Variants in KAZN observed in about 807,000 individuals in gnomAD.
KAZN encodes kazrin, periplakin interacting protein, also known as kazrin.
In KAZN, 40 loss-of-function variants were observed where a neutral mutation model predicts 87.4. That is an observed-to-expected ratio of 0.46 (90% CI 0.36 to 0.60). The LOEUF (loss-of-function observed/expected upper bound fraction) is 0.60. KAZN is among the 20% of genes least tolerant of loss of function. KAZN has a pLI of 0.00. For synonymous variants in KAZN, 466 were observed against 458.3 expected (o/e 1.02, Z -0.22); for missense variants, 898 against 1,073.9 (o/e 0.84, Z 2.29).
At chr1:14,588,894 A>G (rs577190095) in intron 2 of KAZN, among the ~76,000 whole-genome samples, 2 of 152,306 alleles carry the variant, frequency 1.3e-5, no homozygotes, top group African/African-American at 4.8e-5. Context: ...ATTGTTTCAG[A>G]GCCTGGACAG....
chr1:14,381,179 C>A (rs1041039633), intron 2 of KAZN, among the ~76,000 whole-genome samples: 2 of 152,034 alleles, frequency 1.3e-5, no homozygotes, highest in Non-Finnish European at 2.9e-5. Flanking sequence ...TATATAATGA[C>A]AAAGGGATTG....
At chr1:14,081,265 T>C (rs1643663680) in intron 1 of KAZN, among the ~76,000 whole-genome samples, 1 of 152,158 alleles carries the variant, frequency 6.6e-6, no homozygotes, top group Non-Finnish European at 1.5e-5. Flanking sequence ...GAGATTAATC[T>C]TCCACTTGGG....
intron 2 of KAZN, among the ~76,000 whole-genome samples, chr1:14,547,405 TA>T (rs1418046076): frequency 1.3e-5 from 2 of 152,222 alleles, no homozygotes; most frequent in Admixed American, 6.5e-5. Context: ...TATGTGTTCA[TA>T]AAAAACTGAA....
At chr1:14,519,614 C>A (rs191558649) in intron 2 of KAZN, among the ~76,000 whole-genome samples, 2 of 152,024 alleles carry the variant, frequency 1.3e-5, no homozygotes, top group Admixed American at 6.6e-5. Flanking sequence ...GGCCAGGGCA[C>A]GAGAGAGATA....
intron 1 of KAZN, among the ~76,000 whole-genome samples, chr1:14,616,920 G>C (rs956521175): frequency 6.6e-6 from 1 of 152,176 alleles, no homozygotes; most frequent in Non-Finnish European, 1.5e-5. Context: ...AGCTCCTAAG[G>C]GGCTGTCTAT....
chr1:14,646,539 G>T (rs1316533859), intron 1 of KAZN, among the ~76,000 whole-genome samples: 1 of 152,108 alleles, frequency 6.6e-6, no homozygotes, highest in South Asian at 2.1e-4. Flanking sequence ...TTGGGCTATG[G>T]CAGGGTTTCT....
At chr1:14,988,927 G>T (rs1667092535) in intron 2 of KAZN, among the ~76,000 whole-genome samples, 2 of 152,224 alleles carry the variant, frequency 1.3e-5, no homozygotes, top group Admixed American at 1.3e-4. Flanking sequence ...TGGATTCCTG[G>T]GGGAGGTCCT....
rs368031208 is a variant in KAZN, at chr1:14,558,903, G to A, written c.250-40080G>A. ...GGCATCCGCAGTCTCATGGGGCATG[G>A]AGAACCAGGAGTCTCTCTCTTCTTT... On this transcript the variant is annotated intron_variant, in intron 2 of 16. Transcript: ENST00000636203. Among the ~76,000 whole-genome samples the A allele has an allele frequency of 4.7e-4, 71 of 152,286 alleles. 1 individual carries two copies. Among genetic ancestry groups the A allele is most frequent in the African/African-American group, 1.6e-3 (67 of 41,560 alleles).
At position 13,969,901 on chromosome 1, in the gene KAZN, T is replaced by A. The variant is rs552916304; in HGVS notation, c.91+76145T>A. On this transcript the variant is annotated intron_variant, in intron 1 of 16. Coordinates refer to the KAZN transcript ENST00000636203. Reference sequence around the variant, plus strand: ...ATAACAGCTAAACATTATTGATTCTTAAACTGATTCTGTGAGGTAGGCACC... The same window carrying A: ...ATAACAGCTAAACATTATTGATTCTAAAACTGATTCTGTGAGGTAGGCACC... Among the ~76,000 whole-genome samples, 10 of 152,346 alleles carry A rather than the reference T, an allele frequency of 6.6e-5. No homozygotes were observed. The South Asian group carries it at 2.1e-3, about 32-fold the overall frequency.
chr1:14,219,155 T>C (rs191561697), intron 2 of KAZN, among the ~76,000 whole-genome samples: 4 of 152,020 alleles, frequency 2.6e-5, no homozygotes, highest in African/African-American at 9.7e-5. Context: ...TGTAGACTAA[T>C]AGAGACATAA....
intron 2 of KAZN, among the ~76,000 whole-genome samples, chr1:14,294,550 C>T (rs968441258): frequency 2.6e-5 from 4 of 151,610 alleles, no homozygotes; most frequent in Admixed American, 2.0e-4. Context: ...CAACATCAGA[C>T]AGCTAGTAAG....
chr1:14,329,788 C>T lies in KAZN; in HGVS notation c.249+149196C>T. 1.3e-5 allele frequency among the ~76,000 whole-genome samples: 2 copies of T among 152,146 alleles called. 1 individual carries two copies. The highest frequency in any genetic ancestry group is 3.9e-4 in the East Asian group (2 of 5,188). On this transcript the variant is annotated intron_variant, in intron 2 of 16. Coordinates refer to the KAZN transcript ENST00000636203. ...GATCATTGGAAGGAAAAAGATAAGC[C>T]CGAGCTGAGGTTACAGCCAGCTCAG... is the stretch of plus-strand genomic sequence containing the variant.
At chr1:14,798,416 C>CTTTTTTTT (rs545959773) in intron 1 of KAZN, among the ~76,000 whole-genome samples, 6 of 88,150 alleles carry the variant, frequency 6.8e-5, no homozygotes, top group Non-Finnish European at 1.0e-4. Flanking sequence ...TGTTTCTTTC[C>CTTTTTTTT]TTTTTTTTTT....
At chr1:14,302,504 C>T (rs1411243421) in intron 2 of KAZN, among the ~76,000 whole-genome samples, 2 of 152,122 alleles carry the variant, frequency 1.3e-5, no homozygotes, top group East Asian at 3.9e-4. Context: ...GTATCCTGCC[C>T]AGAGGTTGAG....
intron 2 of KAZN, among the ~76,000 whole-genome samples, chr1:14,291,281 GC>G (rs1306308029): frequency 6.6e-6 from 1 of 152,226 alleles, no homozygotes; most frequent in Admixed American, 6.5e-5. Context: ...GCTATGCCCT[GC>G]CCCCAGAGGT....
chr1:15,023,872 G>A (rs577656775), intron 2 of KAZN, among the ~76,000 whole-genome samples: 9 of 150,790 alleles, frequency 6.0e-5, no homozygotes, highest in East Asian at 2.0e-4. Context: ...TGGCGTGGTC[G>A]GCTGATTAAT....
At chr1:14,172,718 T>C (rs1439457242) in intron 1 of KAZN, among the ~76,000 whole-genome samples, 2 of 152,248 alleles carry the variant, frequency 1.3e-5, no homozygotes, top group African/African-American at 2.4e-5. Flanking sequence ...ACTTGAATCA[T>C]TGAGATGGCT....
chr1:14,394,583 G>A (rs773665073), intron 2 of KAZN, among the ~76,000 whole-genome samples: 113 of 152,116 alleles, frequency 7.4e-4, no homozygotes, highest in Non-Finnish European at 1.9e-4. Context: ...ATATAGATAG[G>A]ATCGAAGGTA....
At chr1:14,038,435 A>G (rs992964250) in intron 1 of KAZN, among the ~76,000 whole-genome samples, 1 of 152,198 alleles carries the variant, frequency 6.6e-6, no homozygotes, top group African/African-American at 2.4e-5. Flanking sequence ...CATCCTGCAC[A>G]TTTAAAGGAC....
Sources: allele counts gnomAD v4.1 joint callset (sites outside exome capture counted in the v4.1 genomes callset), GRCh38; gene constraint gnomAD v4.1.1; transcripts MANE v1.5; gene names NCBI Gene and HGNC (gene_info 2026-07-23, HGNC 2026-07-21).